TP63: variants seen among roughly 807,000 people sequenced by gnomAD.
The protein encoded by TP63 is tumor protein 63.
In TP63, 17 loss-of-function variants were observed where a neutral mutation model predicts 82.8. The ratio of observed to expected loss-of-function variants is 0.21; its 90% CI spans 0.14 to 0.31. The LOEUF is 0.31. Among genes scored for constraint, TP63 ranks in the 10% least tolerant of loss-of-function variants. TP63 has a pLI of 1.00. For missense variants in TP63, 648 were observed against 895.3 expected, an observed-to-expected ratio of 0.72 and a Z score of 3.52; for synonymous variants, 330 against 321.7, an observed-to-expected ratio of 1.03 and a Z score of -0.28.
chr3:189,873,087 T>C (rs1308827878), intron 10 of TP63, 92 bp downstream of exon 10: 5 of 1,582,666 alleles, frequency 3.2e-6, no homozygotes, highest in East Asian at 4.5e-5. Context: ...ATGTGGAACA[T>C]AATGGGAGAT....
chr3:189,874,649 A>G (rs1402495771), intron 10 of TP63, among the ~76,000 whole-genome samples: 1 of 152,224 alleles, frequency 6.6e-6, no homozygotes, highest in Non-Finnish European at 1.5e-5. Context: ...AAGGAGAATT[A>G]GAACTCAGAG....
At chr3:189,720,602 C>T (rs1201283030) in intron 1 of TP63, among the ~76,000 whole-genome samples, 1 of 151,950 alleles carries the variant, frequency 6.6e-6, no homozygotes, top group Non-Finnish European at 1.5e-5. Context: ...GGCGTGGTGG[C>T]ACATGCCTGT....
At chr3:189,698,140 G>A (rs983992928) in intron 1 of TP63, among the ~76,000 whole-genome samples, 5 of 152,054 alleles carry the variant, frequency 3.3e-5, no homozygotes, top group African/African-American at 9.7e-5. Flanking sequence ...ATCCAGTTTC[G>A]TACCATTACA....
intron 4 of TP63, among the ~76,000 whole-genome samples, chr3:189,836,672 A>T (rs1279066915): frequency 1.3e-5 from 2 of 152,150 alleles, no homozygotes; most frequent in African/African-American, 4.8e-5. Flanking sequence ...CTGGTGTGAT[A>T]AGCCCCATCA....
chr3:189,797,211 G>C (rs1725797081), intron 3 of TP63, among the ~76,000 whole-genome samples: 1 of 152,050 alleles, frequency 6.6e-6, no homozygotes, highest in Non-Finnish European at 1.5e-5. Context: ...GTGGTGTGTT[G>C]CCAGAGGCGG....
At chr3:189,742,195 A>T (rs1312547664) in intron 3 of TP63, among the ~76,000 whole-genome samples, 1 of 141,028 alleles carries the variant, frequency 7.1e-6, no homozygotes, top group Non-Finnish European at 1.5e-5. Flanking sequence ...GTGAGCTAAG[A>T]TTGTGCCATT....
chr3:189,740,552 T>G (rs568353387), intron 3 of TP63, among the ~76,000 whole-genome samples: 15 of 150,362 alleles, frequency 1.0e-4, no homozygotes, highest in Admixed American at 7.9e-4. Context: ...CAGGTTGGAG[T>G]GCAGTGGCGC....
intron 1 of TP63, among the ~76,000 whole-genome samples, chr3:189,649,142 G>A (rs1712667593): frequency 1.4e-5 from 2 of 146,678 alleles, no homozygotes; most frequent in African/African-American, 5.1e-5. Context: ...ATTGGGTGGT[G>A]GTAAGTCTCT....
intron 1 of TP63, among the ~76,000 whole-genome samples, chr3:189,656,999 G>C (rs1713430762): frequency 7.6e-6 from 1 of 131,826 alleles, no homozygotes; most frequent in Non-Finnish European, 1.6e-5. Flanking sequence ...GCAAAAAAAA[G>C]AAAAAATATT....
chr3:189,864,502 T>C, intron 5 of TP63, 84 bp downstream of exon 5: 2 of 1,298,408 alleles, frequency 1.5e-6, no homozygotes, highest in Non-Finnish European at 2.1e-6. Flanking sequence ...CCCACCTACC[T>C]GATTCAGACT....
chr3:189,803,385 C>T (rs1156517884), intron 3 of TP63, among the ~76,000 whole-genome samples: 1 of 152,202 alleles, frequency 6.6e-6, no homozygotes, highest in Non-Finnish European at 1.5e-5. Flanking sequence ...ATTTCTATTG[C>T]ATTGGTCAAA....
chr3:189,620,145 G>A, the TP63 span, among the ~76,000 whole-genome samples: 2 of 152,220 alleles, frequency 1.3e-5, no homozygotes, highest in African/African-American at 4.8e-5. Flanking sequence ...GGCCGAGGCG[G>A]GCAGACCACG....
chr3:189,619,675 C>T, the TP63 span, among the ~76,000 whole-genome samples: 3 of 152,126 alleles, frequency 2.0e-5, no homozygotes, highest in Non-Finnish European at 4.4e-5. Flanking sequence ...CTCTGCTATC[C>T]TTGTAGGTGC....
At chr3:189,602,670 G>A in the TP63 span, among the ~76,000 whole-genome samples, 1 of 152,150 alleles carries the variant, frequency 6.6e-6, no homozygotes, top group Admixed American at 6.5e-5. Context: ...GCACTCTGAA[G>A]CCTCTTCTTT....
Position 189,810,043 on chromosome 3 carries a change from T to G in TP63, c.579+1517T>G, listed in dbSNP as rs557439426. Among the ~76,000 whole-genome samples the G allele has an allele frequency of 2.0e-5, 3 of 152,350 alleles. No homozygotes were observed. In the South Asian group the frequency reaches 6.2e-4, roughly 32 times the overall value. ...ATGTTATTTTAGTTCTTTCCTCTTG[T>G]GGTTTGAGAAGTAATTCTCCGGTGG... is the stretch of plus-strand genomic sequence containing the variant. On this transcript the variant is annotated intron_variant, in intron 4 of 13. Transcript: ENST00000264731.
chr3:189,831,992 C>T (rs1394193264), intron 4 of TP63, among the ~76,000 whole-genome samples: 7 of 151,646 alleles, frequency 4.6e-5, no homozygotes, highest in East Asian at 1.9e-4. Flanking sequence ...CCACCACTCC[C>T]GCCTAATTTT....
intron 10 of TP63, among the ~76,000 whole-genome samples, chr3:189,882,967 C>G (rs1264987447): frequency 6.6e-6 from 1 of 152,124 alleles, no homozygotes; most frequent in Non-Finnish European, 1.5e-5. Context: ...TCTAGTGAGG[C>G]TCTAGAGAAA....
the TP63 span, among the ~76,000 whole-genome samples, chr3:189,609,187 T>C: frequency 6.6e-6 from 1 of 152,162 alleles, no homozygotes; most frequent in Non-Finnish European, 1.5e-5. Flanking sequence ...AATCTCCTTT[T>C]AGACATCTTT....
Position 189,710,492 on chromosome 3 carries a change from T to C in TP63, c.63-27248T>C, listed in dbSNP as rs1718512078. Among the ~76,000 whole-genome samples, 7 of 152,168 alleles carry C rather than the reference T, an allele frequency of 4.6e-5. No individual in the cohort carries two copies. In the South Asian group the frequency reaches 1.5e-3, roughly 32 times the overall value. On this transcript the variant is annotated intron_variant, in intron 1 of 13. Coordinates refer to ENST00000264731, the MANE Select transcript of TP63 (RefSeq NM_003722.5). ...TTATAATGTTAGCCAAATAGATTTT[T>C]TTTTTAGCTTCCCTCAATATTTCCA... is the stretch of plus-strand genomic sequence containing the variant.
Sources: allele counts gnomAD v4.1 joint callset (sites outside exome capture counted in the v4.1 genomes callset), GRCh38; gene constraint gnomAD v4.1.1; transcripts MANE v1.5; gene names NCBI Gene and HGNC (gene_info 2026-07-23, HGNC 2026-07-21).